ZFP64: variants seen among roughly 807,000 people sequenced by gnomAD.
ZFP64 encodes ZFP64 zinc finger protein, also known as zinc finger protein 64.
A neutral mutation model predicts 51.6 loss-of-function variants in ZFP64; 14 were observed. That is an observed-to-expected ratio of 0.27 (90% CI 0.18 to 0.42). The LOEUF (loss-of-function observed/expected upper bound fraction) is 0.42. Among genes scored for constraint, ZFP64 ranks in the 10% least tolerant of loss-of-function variants. The probability of loss-of-function intolerance (pLI) is 1.00; values close to 1 mark genes in which losing one functional copy is unlikely to be tolerated. For synonymous variants in ZFP64, 375 were observed against 361.4 expected (o/e 1.04, Z -0.43); for missense variants, 754 against 906.8 (o/e 0.83, Z 2.16).
intron 5 of ZFP64, among the ~76,000 whole-genome samples, chr20:52,128,239 G>T (rs1169690558): frequency 2.0e-5 from 3 of 152,136 alleles, no homozygotes; most frequent in African/African-American, 7.2e-5. Flanking sequence ...AAGAGTTTGA[G>T]ACCAGCCTGG....
chr20:52,105,108 C>T (rs1215932575), intron 5 of ZFP64: 7 of 1,397,658 alleles, frequency 5.0e-6, no homozygotes, highest in African/African-American at 1.5e-5. Flanking sequence ...AGCCCCCGGG[C>T]GGGGCTCCAG....
intron 2 of ZFP64, among the ~76,000 whole-genome samples, chr20:52,166,665 G>A (rs58878184): frequency 0.26 from 39,610 of 151,792 alleles, 5,330 homozygotes; most frequent in Admixed American, 0.31. Context: ...CATGCTGCGC[G>A]GGCTGGTCTC....
chr20:52,151,501 A>C lies in ZFP64; in HGVS notation c.*645T>G, dbSNP rs1282306431. On this transcript the variant is annotated 3_prime_UTR_variant, in exon 6 of 6. Coordinates refer to ENST00000216923, the MANE Select transcript of ZFP64 (RefSeq NM_018197.3). The stretch of plus-strand genomic sequence containing the variant: ...AAGTACCATTTACTACACAAATGTA[A>C]TAAGATGGACAGAAACCTTTATTAG... 1.0e-6 allele frequency: 1 copy of C among 985,492 alleles called. No homozygotes were observed. Among genetic ancestry groups the C allele is most frequent in the Non-Finnish European group, 1.2e-6 (1 of 830,098 alleles). The allele number at this position is 985,492 out of a possible 1,614,324, so 61.0% of individuals were successfully genotyped here. A position where few individuals can be genotyped will look rare whatever the true frequency, so the allele number is the denominator to read the frequency against.
intron 2 of ZFP64, among the ~76,000 whole-genome samples, chr20:52,171,357 A>C (rs1982698500): frequency 6.6e-6 from 1 of 151,870 alleles, no homozygotes; most frequent in Non-Finnish European, 1.5e-5. Flanking sequence ...GTGTGTGTGC[A>C]TATGTGTATG....
intron 7 of ZFP64, chr20:52,089,037 CA>C: frequency 1.9e-6 from 1 of 521,136 alleles, no homozygotes; most frequent in Non-Finnish European, 3.8e-6. Flanking sequence ...AGCAGCACGG[CA>C]TCTCCCCCTA....
downstream of ZFP64, among the ~76,000 whole-genome samples, chr20:52,150,745 C>G (rs1415358122): frequency 6.6e-6 from 1 of 152,204 alleles, no homozygotes; most frequent in Non-Finnish European, 1.5e-5. Context: ...CTCCCCTCCT[C>G]ACCAATCCTT....
intron 7 of ZFP64, among the ~76,000 whole-genome samples, chr20:52,092,568 G>A (rs191172159): frequency 4.9e-4 from 75 of 152,324 alleles, no homozygotes; most frequent in Non-Finnish European, 9.4e-4. Context: ...ATCGAAAACA[G>A]GCCGGGTGCA....
intron 5 of ZFP64, among the ~76,000 whole-genome samples, chr20:52,108,739 C>A (rs1378992564): frequency 6.6e-6 from 1 of 151,798 alleles, no homozygotes; most frequent in Non-Finnish European, 1.5e-5. Context: ...CGAACCCTGG[C>A]CTCAAGCAAT....
At chr20:52,190,670 G>A (rs1171342702) in intron 1 of ZFP64, among the ~76,000 whole-genome samples, 1 of 152,094 alleles carries the variant, frequency 6.6e-6, no homozygotes, top group Non-Finnish European at 1.5e-5. Flanking sequence ...GGGGAGGATG[G>A]TGTTTAGGAA....
chr20:52,095,813 T>C (rs1239048244), intron 7 of ZFP64, among the ~76,000 whole-genome samples: 1 of 152,176 alleles, frequency 6.6e-6, no homozygotes, highest in Admixed American at 6.5e-5. Context: ...GGTTGTGTTG[T>C]GAATTTTAAG....
At chr20:52,122,376 G>A (rs1033400576) in intron 5 of ZFP64, among the ~76,000 whole-genome samples, 3 of 151,860 alleles carry the variant, frequency 2.0e-5, no homozygotes, top group Non-Finnish European at 4.4e-5. Flanking sequence ...TGTGGTGGCC[G>A]GCGCCTGTAG....
chr20:52,151,981 G>A lies in ZFP64; in HGVS notation c.*165C>T, dbSNP rs1980837536. 1 of 1,389,082 alleles carries A rather than the reference G, an allele frequency of 7.2e-7. No homozygotes were observed. Among genetic ancestry groups the A allele is most frequent in the Non-Finnish European group, 9.4e-7 (1 of 1,060,608 alleles). The allele number at this position is 1,389,082 out of a possible 1,614,324, so 86.0% of individuals were successfully genotyped here. ...GAACCTGGGAGGCGGACGTTGCAGT[G>A]AGCCAAGATAGCGCCACTGCACTCC... On this transcript the variant is annotated 3_prime_UTR_variant, in exon 6 of 6. Coordinates refer to ENST00000216923, the MANE Select transcript of ZFP64 (RefSeq NM_018197.3).
At chr20:52,113,395 A>T (rs1978697597) in intron 5 of ZFP64, among the ~76,000 whole-genome samples, 1 of 144,546 alleles carries the variant, frequency 6.9e-6, no homozygotes, top group African/African-American at 2.6e-5. Flanking sequence ...TTTATTGATC[A>T]TTACCCTTGT....
At chr20:52,091,633 G>A (rs532345819) in intron 7 of ZFP64, among the ~76,000 whole-genome samples, 102 of 152,060 alleles carry the variant, frequency 6.7e-4, no homozygotes, top group Admixed American at 2.4e-3. Flanking sequence ...ATGTCTTTTA[G>A]GACAGTTTTT....
chr20:52,097,205 C>T, intron 7 of ZFP64: 3 of 829,054 alleles, frequency 3.6e-6, no homozygotes, highest in Non-Finnish European at 4.3e-6. Context: ...ATCACTTCAT[C>T]TTCATGTCAC....
intron 8 of ZFP64, among the ~76,000 whole-genome samples, chr20:52,087,664 G>A (rs1322787998): frequency 1.3e-5 from 2 of 152,198 alleles, no homozygotes; most frequent in African/African-American, 4.8e-5. Context: ...CTGCTACTGG[G>A]TTGGTTGGGC....
At chr20:52,180,046 G>A (rs1213548619) in intron 2 of ZFP64, among the ~76,000 whole-genome samples, 2 of 152,226 alleles carry the variant, frequency 1.3e-5, no homozygotes, top group Non-Finnish European at 2.9e-5. Flanking sequence ...ATGTGGTATT[G>A]TTTTTGTCTT....
chr20:52,089,601 G>A (rs1420482215), intron 7 of ZFP64, among the ~76,000 whole-genome samples: 1 of 152,064 alleles, frequency 6.6e-6, no homozygotes, highest in African/African-American at 2.4e-5. Context: ...AATATTAGCT[G>A]GATGTGGTGG....
intron 5 of ZFP64, among the ~76,000 whole-genome samples, chr20:52,125,119 CT>C (rs1979387586): frequency 6.6e-6 from 1 of 152,210 alleles, no homozygotes; most frequent in African/African-American, 2.4e-5. Flanking sequence ...ATGAATTCTA[CT>C]TTGGTATGGC....
Sources: allele counts gnomAD v4.1 joint callset (sites outside exome capture counted in the v4.1 genomes callset), GRCh38; gene constraint gnomAD v4.1.1; transcripts MANE v1.5; gene names NCBI Gene and HGNC (gene_info 2026-07-23, HGNC 2026-07-21).